The following MTHFD1L variants were observed in gnomAD, a reference collection of about 807,000 sequenced individuals.
The protein encoded by MTHFD1L is monofunctional C1-tetrahydrofolate synthase, mitochondrial.
A neutral mutation model predicts 119.5 loss-of-function variants in MTHFD1L; 81 were observed. That is an observed-to-expected ratio of 0.68 (90% CI 0.57 to 0.82). MTHFD1L has a LOEUF of 0.82. MTHFD1L is among the 40% of genes least tolerant of loss of function. The pLI is 0.00. For synonymous variants in MTHFD1L, 430 were observed against 475.2 expected, an observed-to-expected ratio of 0.90 and a Z score of 1.24; for missense variants, 1,125 against 1,253.4, an observed-to-expected ratio of 0.90 and a Z score of 1.55.
intron 16 of MTHFD1L, among the ~76,000 whole-genome samples, chr6:150,953,172 A>G (rs952698025): frequency 6.6e-5 from 10 of 152,136 alleles, no homozygotes; most frequent in African/African-American, 2.4e-4. Flanking sequence ...CGTGTCTTCC[A>G]CTGGGGCCGA....
chr6:150,879,408 C>T (rs1641769643), intron 4 of MTHFD1L, among the ~76,000 whole-genome samples: 1 of 152,076 alleles, frequency 6.6e-6, no homozygotes, highest in South Asian at 2.1e-4. Context: ...CTGCCTCAGC[C>T]TCCCAAGTAG....
chr6:150,953,461 C>T (rs1478299558), intron 16 of MTHFD1L, among the ~76,000 whole-genome samples: 5 of 152,168 alleles, frequency 3.3e-5, no homozygotes, highest in African/African-American at 4.8e-5. Flanking sequence ...ACAGCTGGCT[C>T]GGGACTAGGC....
intron 27 of MTHFD1L, among the ~76,000 whole-genome samples, chr6:151,094,601 C>T (rs868636469): frequency 6.6e-6 from 1 of 151,938 alleles, no homozygotes; most frequent in African/African-American, 2.4e-5. Context: ...TGGAGTGCAG[C>T]GGCACTGTGT....
intron 16 of MTHFD1L, among the ~76,000 whole-genome samples, chr6:150,950,291 C>G (rs1026681747): frequency 3.9e-5 from 6 of 152,200 alleles, no homozygotes; most frequent in African/African-American, 1.4e-4. Context: ...CTCCTGCCAG[C>G]CCTAGCTGGG....
intron 16 of MTHFD1L, among the ~76,000 whole-genome samples, chr6:150,954,851 C>T (rs2128985183): frequency 6.6e-6 from 1 of 151,998 alleles, no homozygotes; most frequent in South Asian, 2.1e-4. Flanking sequence ...TCCTAGGTGA[C>T]CCTCCCGCCT....
intron 20 of MTHFD1L, among the ~76,000 whole-genome samples, chr6:150,973,559 A>G (rs1299949005): frequency 6.6e-6 from 1 of 152,250 alleles, no homozygotes; most frequent in Non-Finnish European, 1.5e-5. Flanking sequence ...CAAATAAAGT[A>G]GCTTCTAGAA....
intron 8 of MTHFD1L, among the ~76,000 whole-genome samples, chr6:150,912,096 C>G (rs1428345684): frequency 6.6e-6 from 1 of 152,048 alleles, no homozygotes; most frequent in Non-Finnish European, 1.5e-5. Context: ...TGGGATGGCG[C>G]TAAGCCTTTC....
intron 2 of MTHFD1L, 35 bp from the exon 3 acceptor site, chr6:150,877,599 T>A: frequency 6.2e-7 from 1 of 1,611,520 alleles, no homozygotes; most frequent in Non-Finnish European, 8.5e-7. Flanking sequence ...TTTCAAGCTA[T>A]TTTTATGTTG....
Position 150,887,858 on chromosome 6 carries a change from T to C in MTHFD1L, c.657T>C (p.Asp219=), listed in dbSNP as rs1414706984. 1.2e-6 allele frequency: 2 copies of C among 1,601,300 alleles called. No individual in the cohort carries two copies. Among genetic ancestry groups the C allele is most frequent in the Non-Finnish European group, 8.5e-7 (1 of 1,175,572 alleles). The part of the protein sequence containing the change: ...ELLEKSGVNL[D]GKKILVVGAH... ...TTTGGTTAGTAGGTGTCAACCTAGA[T>C]GGAAAGAAGATTTTGGTAGTGGGGG... The change falls in exon 7 of 28, where the codon GAT becomes GAC. Residue 219 remains aspartate (D), a synonymous_variant. Transcript: ENST00000367321.
At chr6:150,866,296 A>C (rs1447075583) in intron 1 of MTHFD1L, 20 of 1,473,620 alleles carry the variant, frequency 1.4e-5, no homozygotes, top group African/African-American at 1.0e-4. Flanking sequence ...GGCATCTCCA[A>C]TGGGCGCCTA....
chr6:150,868,673 C>T (rs1346331686), intron 1 of MTHFD1L, among the ~76,000 whole-genome samples: 7 of 152,054 alleles, frequency 4.6e-5, no homozygotes, highest in Admixed American at 2.6e-4. Flanking sequence ...GGTCCACAGA[C>T]GTTTTATATA....
chr6:150,944,668 A>G (rs1009568486), intron 14 of MTHFD1L, 75 bp downstream of exon 14: 1 of 1,102,840 alleles, frequency 9.1e-7, no homozygotes, highest in Non-Finnish European at 1.3e-6. Flanking sequence ...GTTTGTGGAA[A>G]GAATTCTGGT....
intron 20 of MTHFD1L, among the ~76,000 whole-genome samples, chr6:150,979,604 G>A (rs765793139): frequency 4.6e-5 from 7 of 152,034 alleles, no homozygotes; most frequent in African/African-American, 9.7e-5. Context: ...GGGTTCAAGC[G>A]ATTCTACTGC....
chr6:150,991,068 G>T (rs1778998969), intron 20 of MTHFD1L, among the ~76,000 whole-genome samples: 1 of 150,564 alleles, frequency 6.6e-6, no homozygotes, highest in African/African-American at 2.4e-5. Context: ...TGTTGTCCAG[G>T]CTGCTCTTGA....
At chr6:151,046,382 T>C (rs1788008810) in intron 26 of MTHFD1L, among the ~76,000 whole-genome samples, 1 of 150,128 alleles carries the variant, frequency 6.7e-6, no homozygotes, top group Non-Finnish European at 1.5e-5. Flanking sequence ...AGCATATTGA[T>C]CTATTATTTT....
At chr6:151,033,868 T>C (rs777976717) in intron 24 of MTHFD1L, among the ~76,000 whole-genome samples, 1 of 152,134 alleles carries the variant, frequency 6.6e-6, no homozygotes, top group Non-Finnish European at 1.5e-5. Context: ...CTGACATATA[T>C]GATTATTTGA....
intron 25 of MTHFD1L, among the ~76,000 whole-genome samples, chr6:151,035,732 T>C (rs1351318127): frequency 6.6e-6 from 1 of 152,210 alleles, no homozygotes; most frequent in Non-Finnish European, 1.5e-5. Flanking sequence ...ATATTAAGTC[T>C]TTTCTCCTTT....
intron 1 of MTHFD1L, among the ~76,000 whole-genome samples, chr6:150,873,256 A>G (rs906842957): frequency 1.6e-4 from 25 of 152,116 alleles, no homozygotes; most frequent in Non-Finnish European, 1.5e-5. Context: ...TGGAGGTTGC[A>G]GTGAGCCGAG....
chr6:151,036,640 C>G (rs1478292447), intron 25 of MTHFD1L, among the ~76,000 whole-genome samples: 1 of 152,198 alleles, frequency 6.6e-6, no homozygotes, highest in East Asian at 1.9e-4. Context: ...TATTAATAGT[C>G]TTGGAAAGTG....
Sources: gnomAD v4.1 joint callset for allele counts (sites outside exome capture counted in the v4.1 genomes callset) on GRCh38, gnomAD v4.1.1 for gene constraint, MANE v1.5 for transcripts, NCBI Gene and HGNC (gene_info 2026-07-23, HGNC 2026-07-21) for gene names.